SYNJ2BP: variants seen among roughly 807,000 people sequenced by gnomAD.
SYNJ2BP encodes the protein synaptojanin 2 binding protein.
Under a neutral mutation model 16.9 loss-of-function variants are expected in SYNJ2BP, and 10 were observed. The observed-to-expected ratio is 0.59, with a 90% CI of 0.36 to 1.00. SYNJ2BP has a LOEUF of 1.00. Ranked by LOEUF, SYNJ2BP falls within the 50% of genes least tolerant of loss-of-function variation. The pLI is 0.01. For missense variants in SYNJ2BP, 162 were observed against 186.7 expected, an observed-to-expected ratio of 0.87 and a Z score of 0.77; for synonymous variants, 54 against 68.4, an observed-to-expected ratio of 0.79 and a Z score of 1.04.
At chr14:70,388,663 G>A in intron 1 of SYNJ2BP, 57 bp from the exon 2 acceptor site, 9 of 1,428,724 alleles carry the variant, frequency 6.3e-6, no homozygotes, top group Non-Finnish European at 8.3e-6. Context: ...AAAGAGATTA[G>A]AGAAGATGAA....
At chr14:70,405,094 T>C (rs1388409304) in intron 1 of SYNJ2BP, among the ~76,000 whole-genome samples, 2 of 152,098 alleles carry the variant, frequency 1.3e-5, no homozygotes, top group African/African-American at 4.8e-5. Context: ...ACCACTGCAC[T>C]TCAAGTTGTG....
chr14:70,376,334 T>C (rs1887629380), intron 2 of SYNJ2BP, among the ~76,000 whole-genome samples: 1 of 152,252 alleles, frequency 6.6e-6, no homozygotes, highest in Non-Finnish European at 1.5e-5. Context: ...AAATTAGTCA[T>C]TTTTTAATCA....
chr14:70,375,587 AG>A lies in SYNJ2BP; in HGVS notation c.297+88del. The A allele has an allele frequency of 4.1e-6, 6 of 1,472,686 alleles. 1 individual carries two copies. The highest frequency in any genetic ancestry group is 2.3e-5 in the Admixed American group (1 of 43,082). The allele number at this position is 1,472,686 out of a possible 1,614,324, so 91.2% of individuals were successfully genotyped here. ...TCAGGGGAGTGAGGGTAAAACAAAA[AG>A]CAACACTGAAGATTACACACATTGG... is the stretch of plus-strand genomic sequence containing the variant. On this transcript the variant is annotated intron_variant, in intron 3 of 3. Transcript: ENST00000256366.
chr14:70,393,837 A>T (rs1296665167), intron 1 of SYNJ2BP, among the ~76,000 whole-genome samples: 1 of 152,112 alleles, frequency 6.6e-6, no homozygotes, highest in East Asian at 1.9e-4. Context: ...GAGCATTAGG[A>T]CAAATACCTA....
At chr14:70,401,826 T>G (rs1471290193) in intron 1 of SYNJ2BP, among the ~76,000 whole-genome samples, 1 of 151,970 alleles carries the variant, frequency 6.6e-6, no homozygotes, top group African/African-American at 2.4e-5. Flanking sequence ...TCTTTTCTTT[T>G]TTTATGTAGA....
At chr14:70,414,788 G>A (rs963299037) in intron 1 of SYNJ2BP, among the ~76,000 whole-genome samples, 2 of 152,160 alleles carry the variant, frequency 1.3e-5, no homozygotes, top group Non-Finnish European at 2.9e-5. Context: ...TACTTGCACA[G>A]CAATCAGAAA....
chr14:70,387,321 T>C (rs2140831253), intron 2 of SYNJ2BP, among the ~76,000 whole-genome samples: 1 of 152,368 alleles, frequency 6.6e-6, no homozygotes, highest in South Asian at 2.1e-4. Context: ...TATCATAGGA[T>C]TACTGTGGCC....
intron 1 of SYNJ2BP, among the ~76,000 whole-genome samples, chr14:70,406,648 T>C (rs1888351121): frequency 6.6e-6 from 1 of 152,210 alleles, no homozygotes; most frequent in Non-Finnish European, 1.5e-5. Context: ...GACCCTGCAC[T>C]CAATGGATCA....
intron 2 of SYNJ2BP, among the ~76,000 whole-genome samples, chr14:70,386,901 T>C (rs1887871001): frequency 6.6e-6 from 1 of 152,226 alleles, no homozygotes; most frequent in Non-Finnish European, 1.5e-5. Flanking sequence ...GACCAATACT[T>C]AATTCTGCCA....
intron 3 of SYNJ2BP, among the ~76,000 whole-genome samples, chr14:70,375,065 G>T (rs1239732960): frequency 6.6e-6 from 1 of 151,604 alleles, no homozygotes; most frequent in African/African-American, 2.4e-5. Flanking sequence ...GTACAGATGT[G>T]AGTCACCACA....
chr14:70,408,669 G>A (rs200877281), intron 1 of SYNJ2BP, among the ~76,000 whole-genome samples: 4 of 48,984 alleles, frequency 8.2e-5, no homozygotes, highest in South Asian at 7.9e-4. Context: ...ACAAAACTCC[G>A]TCTCAAAAAA....
Position 70,417,087 on chromosome 14 carries a change from A to G in SYNJ2BP, c.-124T>C, listed in dbSNP as rs1888631780. 3 of 1,455,208 alleles carry G rather than the reference A, an allele frequency of 2.1e-6. No individual in the cohort carries two copies. Among genetic ancestry groups the G allele is most frequent in the Non-Finnish European group, 2.8e-6 (3 of 1,060,580 alleles). The allele number at this position is 1,455,208 out of a possible 1,614,324, so 90.1% of individuals were successfully genotyped here. The stretch of plus-strand genomic sequence containing the variant: ...GGTTTCAGCAGCCTCGAGACCCGGA[A>G]AAGGAAGCCCGAAGGACTCGGAGCA... On this transcript the variant is annotated 5_prime_UTR_variant, in exon 1 of 4. Coordinates refer to ENST00000256366, the MANE Select transcript of SYNJ2BP (RefSeq NM_018373.3).
Position 70,405,069 on chromosome 14 carries a change from G to C in SYNJ2BP, c.64+11831C>G, listed in dbSNP as rs1888318384. ...CAAAGCCCAGGAGGATGAGGCTGCA[G>C]TAAGCTGTAATCACACCACTGCACT... On this transcript the variant is annotated intron_variant, in intron 1 of 3. Transcript: ENST00000256366. Among the ~76,000 whole-genome samples, 4 of 152,122 alleles carry C rather than the reference G, an allele frequency of 2.6e-5. No homozygotes were observed. The South Asian group carries it at 8.3e-4, about 32-fold the overall frequency.
rs1301014662 is a variant in SYNJ2BP at position 70,371,000 on chromosome 14, CT to C, written c.*1990del. On this transcript the variant is annotated 3_prime_UTR_variant, in exon 4 of 4. Transcript: ENST00000256366. ...GCACTGTACTTCTTTGTAAAAGTGTCTTGACAAAGCTGATGTCCAATCAACA... is the reference window on the plus strand; with the variant it reads ...GCACTGTACTTCTTTGTAAAAGTGTCTGACAAAGCTGATGTCCAATCAACA... 6.6e-6 allele frequency: 1 copy of C among 152,170 alleles called. No individual in the cohort carries two copies. Among genetic ancestry groups the C allele is most frequent in the Non-Finnish European group, 1.5e-5 (1 of 68,038 alleles). 9.4% of individuals were successfully genotyped at this position (152,170 alleles called of 1,614,324 possible). A position where few individuals can be genotyped will look rare whatever the true frequency, so the allele number is the denominator to read the frequency against.
At position 70,370,926 on chromosome 14, in the gene SYNJ2BP, G is replaced by A. The variant is rs1367074692; in HGVS notation, c.*2065C>T. The A allele has an allele frequency of 6.6e-6, 1 of 152,158 alleles. No homozygotes were observed. The highest frequency in any genetic ancestry group is 1.5e-5 in the Non-Finnish European group (1 of 68,042). 9.4% of individuals were successfully genotyped at this position (152,158 alleles called of 1,614,324 possible). ...TGTCCTACCTATGTGGCCAATAAGA[G>A]TGTTGTCTTCGCAGTTGGAACCCAA... On this transcript the variant is annotated 3_prime_UTR_variant, in exon 4 of 4. Coordinates refer to ENST00000256366, the MANE Select transcript of SYNJ2BP (RefSeq NM_018373.3).
chr14:70,377,883 A>G (rs932010551), intron 2 of SYNJ2BP, among the ~76,000 whole-genome samples: 4 of 152,170 alleles, frequency 2.6e-5, no homozygotes, highest in Admixed American at 6.5e-5. Context: ...TTGACTGCTA[A>G]ATTTGTTCTA....
At chr14:70,374,096 G>T (rs1887574684) in intron 3 of SYNJ2BP, among the ~76,000 whole-genome samples, 1 of 152,200 alleles carries the variant, frequency 6.6e-6, no homozygotes, top group Non-Finnish European at 1.5e-5. Context: ...GAACATAAGG[G>T]TCTTTTTTAT....
chr14:70,408,864 C>T (rs913971102), intron 1 of SYNJ2BP, among the ~76,000 whole-genome samples: 3 of 152,010 alleles, frequency 2.0e-5, no homozygotes, highest in African/African-American at 7.2e-5. Flanking sequence ...GACTGAGTCT[C>T]GCTGTATCGC....
At chr14:70,377,831 G>A (rs56979041) in intron 2 of SYNJ2BP, among the ~76,000 whole-genome samples, 2,337 of 152,204 alleles carry the variant, frequency 0.015, 36 homozygotes, top group South Asian at 0.036. Flanking sequence ...ACTATTTCTT[G>A]GAACGCATTA....
Sources: allele counts gnomAD v4.1 joint callset (sites outside exome capture counted in the v4.1 genomes callset), GRCh38; gene constraint gnomAD v4.1.1; transcripts MANE v1.5; gene names NCBI Gene and HGNC (gene_info 2026-07-23, HGNC 2026-07-21).